Variants in DMD observed in about 807,000 individuals in gnomAD.
DMD encodes the protein dystrophin.
DMD carries 63 observed loss-of-function variants against 330.1 expected under a neutral mutation model. That is an observed-to-expected ratio of 0.19 (90% CI 0.16 to 0.24). The LOEUF is 0.24. DMD is among the 10% of genes least tolerant of loss of function. The pLI, the probability that DMD is intolerant of heterozygous loss-of-function variation, is 1.00. For missense variants in DMD, 3,344 were observed against 2,684.1 expected, an observed-to-expected ratio of 1.25 and a Z score of -5.43; for synonymous variants, 1,223 against 959.8, an observed-to-expected ratio of 1.27 and a Z score of -5.07.
intron 53 of DMD, among the ~76,000 whole-genome samples, chrX:31,664,185 C>A (rs1162650619): frequency 9.0e-6 from 1 of 111,146 alleles, no homozygotes; most frequent in African/African-American, 3.3e-5. Context: ...TTCACCATTA[C>A]CTTAAGACAA....
At chrX:31,627,888 C>T in intron 54 of DMD, 26 bp from the exon 55 acceptor site, 2 of 1,182,756 alleles carry the variant, frequency 1.7e-6, no homozygotes, top group Non-Finnish European at 2.3e-6. Context: ...TGTTCAGATG[C>T]AATTATTAAA....
At chrX:32,694,480 C>T (rs903771137) in intron 9 of DMD, among the ~76,000 whole-genome samples, 5 of 111,426 alleles carry the variant, frequency 4.5e-5, no homozygotes, top group African/African-American at 6.5e-5. Context: ...AGAAACCTCA[C>T]GGTAATCCTT....
chrX:32,879,791 C>T (rs1023532817), intron 2 of DMD, among the ~76,000 whole-genome samples: 1 of 111,484 alleles, frequency 9.0e-6, no homozygotes, highest in Non-Finnish European at 1.9e-5. Flanking sequence ...TCCATTCCCT[C>T]TAACAAACAG....
intron 1 of DMD, among the ~76,000 whole-genome samples, chrX:33,329,354 G>A (rs184586184): frequency 8.9e-6 from 1 of 111,801 alleles, no homozygotes; most frequent in East Asian, 2.8e-4. Flanking sequence ...AAACTACGTG[G>A]CATTTTCAAC....
chrX:32,178,856 T>A (rs1233828336), intron 44 of DMD, among the ~76,000 whole-genome samples: 3 of 108,831 alleles, frequency 2.8e-5, no homozygotes, highest in Non-Finnish European at 5.7e-5. Flanking sequence ...TGTGTGTGTG[T>A]GTGTGTGTAC....
intron 30 of DMD, among the ~76,000 whole-genome samples, chrX:32,406,256 C>A (rs1042635651): frequency 9.0e-6 from 1 of 111,260 alleles, no homozygotes; most frequent in Non-Finnish European, 1.9e-5. Context: ...CCTTCTCCTG[C>A]CTAATTGCCC....
chrX:32,401,142 G>A (rs1269130999), intron 30 of DMD, among the ~76,000 whole-genome samples: 1 of 97,747 alleles, frequency 1.0e-5, no homozygotes, highest in African/African-American at 3.8e-5. Flanking sequence ...GAGAGCACAT[G>A]GACACAGGAA....
chrX:32,605,601 A>G (rs988779699), intron 12 of DMD, among the ~76,000 whole-genome samples: 4 of 110,962 alleles, frequency 3.6e-5, no homozygotes, highest in African/African-American at 1.3e-4. Flanking sequence ...AAAAACAATC[A>G]ACAGAATGAA....
intron 5 of DMD, 28 bp from the exon 6 acceptor site, chrX:32,816,668 A>G: frequency 8.5e-7 from 1 of 1,180,601 alleles, no homozygotes; most frequent in South Asian, 1.8e-5. Context: ...TTTTCATAAG[A>G]AAATGCATTC....
intron 44 of DMD, among the ~76,000 whole-genome samples, chrX:32,039,161 G>C (rs1456897217): frequency 9.0e-6 from 1 of 110,743 alleles, no homozygotes; most frequent in East Asian, 2.8e-4. Flanking sequence ...ACGAACAAGA[G>C]AAGTAGAAAC....
At chrX:31,290,460 A>T (rs1376383663) in intron 62 of DMD, among the ~76,000 whole-genome samples, 1 of 111,530 alleles carries the variant, frequency 9.0e-6, no homozygotes, top group East Asian at 2.8e-4. Context: ...ACAATTTGCA[A>T]ATATTTTGAT....
Position 31,729,622 on chromosome X carries a change from A to C in DMD, c.7660+9T>G, listed in dbSNP as rs2149017716. 8.3e-7 allele frequency: 1 copy of C among 1,201,735 alleles called. No homozygotes were observed. On this transcript the variant is annotated intron_variant, in intron 52 of 78. Coordinates refer to ENST00000357033, the MANE Select transcript of DMD (RefSeq NM_004006.3). ...GCTTTGTGTGTCCCATGCTTGTTAA[A>C]AAACTTACTTCGATCCGTAATGATT...
chrX:31,407,901 T>C (rs1046386721), intron 60 of DMD, among the ~76,000 whole-genome samples: 19 of 111,785 alleles, frequency 1.7e-4, no homozygotes, highest in African/African-American at 6.2e-4. Flanking sequence ...CTTGACTTTA[T>C]TTTTTATACA....
chrX:32,272,615 T>C (rs1295190320), intron 43 of DMD, among the ~76,000 whole-genome samples: 1 of 111,711 alleles, frequency 9.0e-6, no homozygotes, highest in Non-Finnish European at 1.9e-5. Context: ...GGGGTCACGA[T>C]ATAGACTCTG....
Position 31,886,388 on chromosome X carries a change from C to T in DMD, c.6913-11015G>A, listed in dbSNP as rs1182114376. On this transcript the variant is annotated intron_variant, in intron 47 of 78. Coordinates refer to ENST00000357033, the MANE Select transcript of DMD (RefSeq NM_004006.3). ...TCTTTACATAAAAAATCAAACAAGC[C>T]AAAGAAAAAGGCAAAAACAATTCAT... Among the ~76,000 whole-genome samples, 10 of 110,566 alleles carry T rather than the reference C, an allele frequency of 9.0e-5. No homozygotes were observed. In the East Asian group the frequency reaches 1.7e-3, roughly 19 times the overall value.
At position 32,115,182 on chromosome X, in the gene DMD, C is replaced by T. The variant is rs757397676; in HGVS notation, c.6438+101734G>A. 5.4e-5 allele frequency among the ~76,000 whole-genome samples: 6 copies of T among 111,406 alleles called. No homozygotes were observed. The South Asian group carries it at 2.3e-3, about 42-fold the overall frequency. On this transcript the variant is annotated intron_variant, in intron 44 of 78. Transcript: ENST00000357033. Reference sequence around the variant, plus strand: ...TTTCCCAAACTCTCCTCCTAGAAGACTTCATCCAGTCCCATGTCTTTAAAA... The same window carrying T: ...TTTCCCAAACTCTCCTCCTAGAAGATTTCATCCAGTCCCATGTCTTTAAAA...
chrX:32,554,700 C>A (rs1299429493), intron 16 of DMD, among the ~76,000 whole-genome samples: 2 of 105,352 alleles, frequency 1.9e-5, no homozygotes, highest in South Asian at 9.0e-4. Context: ...CAAAGAAGAG[C>A]TGGTATCATT....
At chrX:32,341,970 A>G (rs2097745415) in intron 41 of DMD, 130 bp downstream of exon 41, 14 of 675,739 alleles carry the variant, frequency 2.1e-5, no homozygotes, top group Non-Finnish European at 2.8e-5. Flanking sequence ...GAAACCACTC[A>G]CTTTCAGAAT....
chrX:32,799,702 A>G (rs1369277348), intron 7 of DMD, among the ~76,000 whole-genome samples: 1 of 110,000 alleles, frequency 9.1e-6, no homozygotes, highest in East Asian at 2.9e-4. Context: ...TGTCTTACAG[A>G]GAAATCATAA....
Sources: gnomAD v4.1 joint callset for allele counts (sites outside exome capture counted in the v4.1 genomes callset) on GRCh38, gnomAD v4.1.1 for gene constraint, MANE v1.5 for transcripts, NCBI Gene and HGNC (gene_info 2026-07-23, HGNC 2026-07-21) for gene names.